Variants in VGLL4 observed in about 807,000 individuals in gnomAD.
VGLL4 encodes the protein transcription cofactor vestigial-like protein 4.
In VGLL4, 7 loss-of-function variants were observed where a neutral mutation model predicts 21.0. The ratio of observed to expected loss-of-function variants is 0.33; its 90% confidence interval spans 0.19 to 0.63. The LOEUF (loss-of-function observed/expected upper bound fraction) is 0.63. Ranked by LOEUF, VGLL4 falls within the 20% of genes least tolerant of loss-of-function variation. The pLI, the probability that VGLL4 is intolerant of heterozygous loss-of-function variation, is 0.78. For missense variants in VGLL4, 394 were observed against 425.7 expected (o/e 0.93, Z 0.66); for synonymous variants, 222 against 173.2 (o/e 1.28, Z -2.21).
At chr3:11,584,445 C>T (rs1412387997) in intron 2 of VGLL4, among the ~76,000 whole-genome samples, 1 of 151,672 alleles carries the variant, frequency 6.6e-6, no homozygotes, top group Non-Finnish European at 1.5e-5. Context: ...GGGAAGATGC[C>T]GAGAGAGAGA....
intron 2 of VGLL4, among the ~76,000 whole-genome samples, chr3:11,573,265 A>G (rs1284261062): frequency 0.011 from 101 of 9,180 alleles, 5 homozygotes; most frequent in African/African-American, 0.093. Context: ...GAAAGAAAGA[A>G]AGAAAGAAAG....
intron 2 of VGLL4, among the ~76,000 whole-genome samples, chr3:11,650,530 G>C (rs1485428690): frequency 6.6e-6 from 1 of 152,190 alleles, no homozygotes; most frequent in Non-Finnish European, 1.5e-5. Flanking sequence ...AGAGGGGAAA[G>C]TTTTAATGTT....
intron 2 of VGLL4, among the ~76,000 whole-genome samples, chr3:11,600,045 T>C (rs568815694): frequency 7.9e-5 from 12 of 152,266 alleles, no homozygotes; most frequent in African/African-American, 2.9e-4. Flanking sequence ...CATATATACA[T>C]ATGTATATTT....
rs1214602075 is a variant in VGLL4 at position 11,719,834 on chromosome 3, C to T, written c.-14+560G>A. On this transcript the variant is annotated intron_variant, in intron 1 of 5. Transcript: ENST00000273038. The surrounding 1 kb of genome is among the most constrained non-coding windows in gnomAD (Gnocchi z 4.0). ...GCGCCCGGTGCCAGCTCGCACCTCC[C>T]GGGCCGATGCCGGCGCGCTGGGGCA... is the stretch of plus-strand genomic sequence containing the variant. 6.6e-6 allele frequency among the ~76,000 whole-genome samples: 1 copy of T among 152,132 alleles called. No individual in the cohort carries two copies. Among genetic ancestry groups the T allele is most frequent in the African/African-American group, 2.4e-5 (1 of 41,438 alleles).
At chr3:11,560,936 G>A (rs944499800) in intron 3 of VGLL4, among the ~76,000 whole-genome samples, 7 of 152,082 alleles carry the variant, frequency 4.6e-5, no homozygotes, top group African/African-American at 7.2e-5. Flanking sequence ...GTTGGGGACC[G>A]ACAGATGAGG....
intron 2 of VGLL4, among the ~76,000 whole-genome samples, chr3:11,579,119 T>C (rs2074150445): frequency 6.6e-6 from 1 of 151,916 alleles, no homozygotes; most frequent in African/African-American, 2.4e-5. Context: ...ATGTAGTGTG[T>C]TAATTCTCAA....
At chr3:11,681,566 A>G (rs1209901179) in intron 2 of VGLL4, among the ~76,000 whole-genome samples, 1 of 152,252 alleles carries the variant, frequency 6.6e-6, no homozygotes, top group East Asian at 1.9e-4. Context: ...GGGGCCCATG[A>G]AAATTGTTTG....
intron 1 of VGLL4, among the ~76,000 whole-genome samples, chr3:11,619,319 T>C (rs1004859166): frequency 1.3e-5 from 2 of 152,186 alleles, no homozygotes; most frequent in Admixed American, 1.3e-4. Context: ...ACGACAAACA[T>C]GCATTTAAAT....
chr3:11,567,488 C>T (rs922418745), intron 2 of VGLL4, among the ~76,000 whole-genome samples: 3 of 152,136 alleles, frequency 2.0e-5, no homozygotes, highest in Admixed American at 1.3e-4. Flanking sequence ...AATGTTCTGG[C>T]AGAGTCTAGA....
intron 2 of VGLL4, among the ~76,000 whole-genome samples, chr3:11,573,730 T>C (rs1057275880): frequency 6.6e-6 from 1 of 152,236 alleles, no homozygotes; most frequent in Non-Finnish European, 1.5e-5. Flanking sequence ...TTACTGACCA[T>C]TCTACTTTAT....
upstream of VGLL4, among the ~76,000 whole-genome samples, chr3:11,644,613 A>C (rs2075758757): frequency 6.6e-6 from 1 of 152,134 alleles, no homozygotes; most frequent in Non-Finnish European, 1.5e-5. Context: ...ATCCTAGTCG[A>C]AGCAGGCGGA....
intron 2 of VGLL4, among the ~76,000 whole-genome samples, chr3:11,659,578 C>T (rs1217872567): frequency 6.6e-6 from 1 of 151,860 alleles, no homozygotes; most frequent in Non-Finnish European, 1.5e-5. Flanking sequence ...GGTGATCCCC[C>T]CCGGCTCGGC....
intron 2 of VGLL4, among the ~76,000 whole-genome samples, chr3:11,601,322 A>G (rs1295587095): frequency 6.6e-6 from 1 of 152,186 alleles, no homozygotes; most frequent in African/African-American, 2.4e-5. Flanking sequence ...CTTTATGGGA[A>G]GGTCCCAAGT....
intron 2 of VGLL4, among the ~76,000 whole-genome samples, chr3:11,687,956 GAC>G (rs937326302): frequency 1.3e-5 from 2 of 152,066 alleles, no homozygotes; most frequent in Non-Finnish European, 2.9e-5. Flanking sequence ...ATCAATTAAA[GAC>G]AGTTTCTTTT....
In VGLL4 at chr3:11,564,988, C is replaced by G. The variant is rs1350047045; in HGVS notation, c.304G>C (p.Asp102His). 2 of 1,523,540 alleles carry G rather than the reference C, an allele frequency of 1.3e-6. No homozygotes were observed. Among genetic ancestry groups the G allele is most frequent in the Non-Finnish European group, 1.8e-6 (2 of 1,136,992 alleles). The allele number at this position is 1,523,540 out of a possible 1,614,324, so 94.4% of individuals were successfully genotyped here. The change falls in exon 3 of 5, where the codon GAC becomes CAC. Residue 102 changes from aspartate to histidine, a missense_variant. Coordinates refer to ENST00000430365, the MANE Select transcript of VGLL4 (RefSeq NM_001128219.3). ...GGGCTGCGGCTCCGCTCCCGGGGGT[C>G]TCTGCGGCAGTCTCCATTGGCAGTC... ...NKTANGDCRR[D>H]PRERSRSPIE...
At position 11,714,963 on chromosome 3, in the gene VGLL4, G is replaced by A. The variant is rs567382251; in HGVS notation, c.-14+5431C>T. Among the ~76,000 whole-genome samples, 272 of 151,858 alleles carry A rather than the reference G, an allele frequency of 1.8e-3. 4 individuals carry two copies. The highest frequency in any genetic ancestry group is 6.3e-3 in the African/African-American group (262 of 41,420). On this transcript the variant is annotated intron_variant, in intron 1 of 5. Transcript: ENST00000273038. The stretch of plus-strand genomic sequence containing the variant: ...ATCCTGGCTAACACAGTGAAACCCC[G>A]TCTCTATTAAAAATACAAAAAATTA...
At chr3:11,579,219 A>T (rs2074154496) in intron 2 of VGLL4, among the ~76,000 whole-genome samples, 1 of 148,046 alleles carries the variant, frequency 6.8e-6, no homozygotes, top group African/African-American at 2.5e-5. Context: ...TAACTTTCTA[A>T]AAAAAAAAAA....
chr3:11,686,769 G>T (rs904996032), intron 2 of VGLL4, among the ~76,000 whole-genome samples: 1 of 152,124 alleles, frequency 6.6e-6, no homozygotes, highest in Admixed American at 6.5e-5. Flanking sequence ...GTGTATACAT[G>T]TTTCTGAGCT....
chr3:11,640,508 C>G (rs2075669326), intron 1 of VGLL4, among the ~76,000 whole-genome samples: 1 of 152,198 alleles, frequency 6.6e-6, no homozygotes, highest in African/African-American at 2.4e-5. Context: ...AAGCCCAGTT[C>G]TACTAATCCG....
Sources: gnomAD v4.1 joint callset for allele counts (sites outside exome capture counted in the v4.1 genomes callset) on GRCh38, gnomAD v4.1.1 for gene constraint, Gnocchi (gnomAD v3.1) non-coding constraint, MANE v1.5 for transcripts, NCBI Gene and HGNC (gene_info 2026-07-23, HGNC 2026-07-21) for gene names.